IQGAP1: variants seen among roughly 807,000 people sequenced by gnomAD.
IQGAP1 encodes ras GTPase-activating-like protein IQGAP1.
A neutral mutation model predicts 215.6 loss-of-function variants in IQGAP1; 66 were observed. The ratio of observed to expected loss-of-function variants is 0.31; its 90% CI spans 0.25 to 0.38. The LOEUF (loss-of-function observed/expected upper bound fraction) is 0.38, where lower values mean the gene tolerates loss of function less well. Ranked by LOEUF, IQGAP1 falls within the 10% of genes least tolerant of loss-of-function variation. The pLI is 1.00. For missense variants in IQGAP1, 1,712 were observed against 1,997.1 expected (o/e 0.86, Z 2.72); for synonymous variants, 772 against 728.7 (o/e 1.06, Z -0.96).
At chr15:90,442,958 T>G (rs1307392245) in intron 8 of IQGAP1, among the ~76,000 whole-genome samples, 1 of 151,508 alleles carries the variant, frequency 6.6e-6, no homozygotes, top group Non-Finnish European at 1.5e-5. Context: ...GGTGACAGAG[T>G]GAGACTCTGT....
In IQGAP1 at chr15:90,449,632, A is replaced by C. The variant is rs1965573487; in HGVS notation, c.1151A>C (p.Gln384Pro). Residue 384 changes from glutamine (Q) to proline (P), a missense_variant, in exon 11 of 38, where the codon CAA (glutamine) becomes CCA (proline). Physicochemically the swap from Gln to Pro is moderately conservative, Grantham distance 76. Around this residue, in one of 2 missense-constraint regions of IQGAP1, gnomAD observed 1,021 missense variants for 1,074.2 expected, o/e 0.95. Coordinates refer to ENST00000268182, the MANE Select transcript of IQGAP1 (RefSeq NM_003870.4). ...GATGCTGCAAACAGTGCTGCCCAGC[A>C]ATATCAGAGAAGTAAGAGTCCATTG... ...GVDAANSAAQQYQRRLAAVAL... is the reference protein window; with the variant it reads ...GVDAANSAAQPYQRRLAAVAL... 1.2e-6 allele frequency: 2 copies of C among 1,611,380 alleles called. No homozygotes were observed. The highest frequency in any genetic ancestry group is 8.5e-7 in the Non-Finnish European group (1 of 1,178,744).
chr15:90,456,873 G>T (rs1321931662), intron 15 of IQGAP1, among the ~76,000 whole-genome samples: 1 of 148,948 alleles, frequency 6.7e-6, no homozygotes, highest in Admixed American at 6.7e-5. Flanking sequence ...GGGGGACAGA[G>T]TAAGACTCCG....
rs1965334067 is a variant in IQGAP1, at chr15:90,433,764, C to G, written c.436C>G (p.Pro146Ala). 5 of 1,607,040 alleles carry G rather than the reference C, an allele frequency of 3.1e-6. No homozygotes were observed. The highest frequency in any genetic ancestry group is 4.3e-6 in the Non-Finnish European group (5 of 1,175,586). The change falls in exon 5 of 38, where the codon CCA (proline) becomes GCA (alanine). Residue 146 changes from proline (P) to alanine (A), a missense_variant. This residue lies in a region of IQGAP1 where 1,021 missense variants were observed against 1,074.2 expected (regional missense o/e 0.95). Coordinates refer to ENST00000268182, the MANE Select transcript of IQGAP1 (RefSeq NM_003870.4). ...TTDIYDRKNMPRCIYCIHALS... is the reference protein window; with the variant it reads ...TTDIYDRKNMARCIYCIHALS... ...AGATATCTATGATCGAAAGAACATG[C>G]CAAGATGTATCTACTGTATCCATGC...
intron 2 of IQGAP1, among the ~76,000 whole-genome samples, chr15:90,425,032 G>A (rs8041764): frequency 0.18 from 27,910 of 151,762 alleles, 2,674 homozygotes; most frequent in South Asian, 0.22. Flanking sequence ...GCCATGGTCC[G>A]GGTCCAGTGG....
rs529491037 is a variant in IQGAP1, at chr15:90,493,196, T to C, written c.4628+485T>C. Among the ~76,000 whole-genome samples the C allele has an allele frequency of 2.6e-5, 4 of 151,536 alleles. No homozygotes were observed. The South Asian group carries it at 8.3e-4, about 31-fold the overall frequency. ...AGATGGAGGTTGCAGTGAGCCACGA[T>C]TGCATCACTACACTCCAGCCTGGGC... is the stretch of plus-strand genomic sequence containing the variant. On this transcript the variant is annotated intron_variant, in intron 35 of 37. Coordinates refer to ENST00000268182, the MANE Select transcript of IQGAP1 (RefSeq NM_003870.4).
At chr15:90,438,455 A>G (rs1034543373) in intron 5 of IQGAP1, among the ~76,000 whole-genome samples, 13 of 152,182 alleles carry the variant, frequency 8.5e-5, no homozygotes, top group Non-Finnish European at 1.6e-4. Flanking sequence ...CTTAGAGTCT[A>G]GTTGATTTTT....
At chr15:90,454,353 C>T in intron 13 of IQGAP1, 75 bp from the exon 14 acceptor site, 3 of 1,567,628 alleles carry the variant, frequency 1.9e-6, no homozygotes, top group African/African-American at 1.4e-5. Flanking sequence ...GGTTGGGATA[C>T]CCTAGCAATC....
chr15:90,464,363 G>A (rs921129899), intron 15 of IQGAP1, among the ~76,000 whole-genome samples: 5 of 152,088 alleles, frequency 3.3e-5, no homozygotes, highest in Admixed American at 1.3e-4. Context: ...TTTTGAGATC[G>A]TTGAAACCTA....
intron 18 of IQGAP1, among the ~76,000 whole-genome samples, chr15:90,470,971 C>T (rs534160007): frequency 7.9e-4 from 120 of 152,186 alleles, no homozygotes; most frequent in African/African-American, 2.8e-3. Context: ...CCTTCTCCTA[C>T]ACATTCTTCC....
intron 2 of IQGAP1, among the ~76,000 whole-genome samples, chr15:90,395,791 G>C (rs1457184277): frequency 6.6e-6 from 1 of 152,236 alleles, no homozygotes; most frequent in African/African-American, 2.4e-5. Flanking sequence ...AGGCAGGACA[G>C]AACAGGGAAT....
intron 9 of IQGAP1, among the ~76,000 whole-genome samples, chr15:90,445,014 T>C (rs1965507152): frequency 6.6e-6 from 1 of 152,082 alleles, no homozygotes; most frequent in Non-Finnish European, 1.5e-5. Context: ...TCCCAGCTAC[T>C]TGGGGGCTGA....
Position 90,497,222 on chromosome 15 carries a change from C to G in IQGAP1, c.4752-10C>G. The G allele has an allele frequency of 7.0e-7, 1 of 1,431,580 alleles. No homozygotes were observed. The highest frequency in any genetic ancestry group is 9.8e-7 in the Non-Finnish European group (1 of 1,017,594). 88.7% of individuals were successfully genotyped at this position (1,431,580 alleles called of 1,614,324 possible). ...AAAAACCATACCCTTACGATGTTAT[C>G]TTTCAACAGGTTTAAAAATGTTATA... On this transcript the variant is annotated splice_polypyrimidine_tract_variant and intron_variant, in intron 36 of 37. Transcript: ENST00000268182.
chr15:90,466,110 A>G lies in IQGAP1; in HGVS notation c.1867+19A>G, dbSNP rs373167108. 5.6e-6 allele frequency: 9 copies of G among 1,611,456 alleles called. No individual in the cohort carries two copies. The highest frequency in any genetic ancestry group is 2.7e-5 in the African/African-American group (2 of 74,754). On this transcript the variant is annotated intron_variant, in intron 16 of 37. Coordinates refer to ENST00000268182, the MANE Select transcript of IQGAP1 (RefSeq NM_003870.4). The stretch of plus-strand genomic sequence containing the variant: ...CAGAAGTGTATGTATCACCTGTTTT[A>G]TTTCTGTTTTGGTGGAGGCTGGGGT...
chr15:90,472,989 C>G lies in IQGAP1; in HGVS notation c.2328C>G (p.Ile776Met). The change falls in exon 19 of 38, where the codon ATC becomes ATG. Residue 776 changes from isoleucine (I) to methionine (M), a missense_variant. By Grantham distance (10) the Ile-to-Met change is conservative. Coordinates refer to ENST00000268182, the MANE Select transcript of IQGAP1 (RefSeq NM_003870.4). Reference sequence around the variant, plus strand: ...GGATGAATTTCCTGAAGAAACAAATCCCTGCCATCACCTGCATTCAGGTAT... The same window carrying G: ...GGATGAATTTCCTGAAGAAACAAATGCCTGCCATCACCTGCATTCAGGTAT... ...RSRMNFLKKQ[I>M]PAITCIQSQW... 1 of 1,613,988 alleles carries G rather than the reference C, an allele frequency of 6.2e-7. No homozygotes were observed. The highest frequency in any genetic ancestry group is 1.1e-5 in the South Asian group (1 of 91,060).
intron 2 of IQGAP1, among the ~76,000 whole-genome samples, chr15:90,420,973 C>T (rs55978751): frequency 0.2 from 30,123 of 150,600 alleles, 3,153 homozygotes; most frequent in Middle Eastern, 0.25. Flanking sequence ...GCCAACATGG[C>T]GAAACCCCGT....
intron 10 of IQGAP1, among the ~76,000 whole-genome samples, 156 bp from the exon 11 acceptor site, chr15:90,449,403 T>C (rs1965569866): frequency 6.6e-6 from 1 of 152,216 alleles, no homozygotes; most frequent in Non-Finnish European, 1.5e-5. Context: ...CATTTGGCTC[T>C]ACCTGGGGCT....
At chr15:90,454,695 A>G in intron 14 of IQGAP1, 143 bp downstream of exon 14, 2 of 925,966 alleles carry the variant, frequency 2.2e-6, no homozygotes. Flanking sequence ...CTAAAGTTGG[A>G]TATTGTTTTG....
intron 2 of IQGAP1, among the ~76,000 whole-genome samples, chr15:90,398,765 G>A (rs553876422): frequency 6.6e-6 from 1 of 152,254 alleles, no homozygotes; most frequent in South Asian, 2.1e-4. Flanking sequence ...CACTTTGGGA[G>A]GCCAAGGCAG....
chr15:90,394,272 G>A (rs1964682507), intron 2 of IQGAP1, among the ~76,000 whole-genome samples: 1 of 150,626 alleles, frequency 6.6e-6, no homozygotes, highest in Non-Finnish European at 1.5e-5. Context: ...ATCATGGAAA[G>A]GTGCCTGGTC....
Sources: allele counts gnomAD v4.1 joint callset (sites outside exome capture counted in the v4.1 genomes callset), GRCh38; gene constraint gnomAD v4.1.1; regional missense constraint gnomAD v4.1.1; transcripts MANE v1.5; gene names NCBI Gene and HGNC (gene_info 2026-07-23, HGNC 2026-07-21).